The following NBEA variants were observed in gnomAD, a reference collection of about 807,000 sequenced individuals.
NBEA encodes neurobeachin.
A neutral mutation model predicts 343.4 loss-of-function variants in NBEA; 44 were observed. The ratio of observed to expected loss-of-function variants is 0.13; its 90% CI spans 0.10 to 0.16. The LOEUF (loss-of-function observed/expected upper bound fraction) is 0.16, where lower values mean the gene tolerates loss of function less well. NBEA is among the 10% of genes least tolerant of loss of function. The pLI, the probability that NBEA is intolerant of heterozygous loss-of-function variation, is 1.00. For synonymous variants in NBEA, 1,175 were observed against 1,238.7 expected (o/e 0.95, Z 1.08); for missense variants, 2,555 against 3,631.3 (o/e 0.70, Z 7.62).
chr13:35,449,859 A>G (rs2046217326), intron 39 of NBEA, among the ~76,000 whole-genome samples: 1 of 152,190 alleles, frequency 6.6e-6, no homozygotes, highest in Non-Finnish European at 1.5e-5. Flanking sequence ...TGAAGTATTT[A>G]TCAAAATATA....
chr13:35,464,463 C>T (rs371996443), intron 40 of NBEA, among the ~76,000 whole-genome samples: 1 of 152,226 alleles, frequency 6.6e-6, no homozygotes, highest in East Asian at 1.9e-4. Flanking sequence ...TGCCATCATT[C>T]TATCCCAACT....
intron 35 of NBEA, among the ~76,000 whole-genome samples, chr13:35,295,716 A>G (rs1431286497): frequency 6.6e-6 from 1 of 152,190 alleles, no homozygotes; most frequent in Non-Finnish European, 1.5e-5. Context: ...TGTATTTAAT[A>G]TATCTTGGGG....
chr13:34,973,839 A>G (rs567176564), intron 1 of NBEA, among the ~76,000 whole-genome samples: 1 of 152,228 alleles, frequency 6.6e-6, no homozygotes, highest in South Asian at 2.1e-4. Flanking sequence ...TCCCAGGGGT[A>G]TGTACGGAAG....
intron 24 of NBEA, among the ~76,000 whole-genome samples, chr13:35,167,204 G>T (rs1212928982): frequency 6.6e-6 from 1 of 152,016 alleles, no homozygotes; most frequent in Non-Finnish European, 1.5e-5. Flanking sequence ...AGTCAACTCT[G>T]CTGTGATAGT....
At chr13:35,646,076 A>G in intron 50 of NBEA, 145 bp downstream of exon 50, 1 of 715,154 alleles carries the variant, frequency 1.4e-6, no homozygotes, top group East Asian at 2.7e-5. Flanking sequence ...TGGAAGGAGA[A>G]GCAAAGCTTG....
intron 34 of NBEA, among the ~76,000 whole-genome samples, chr13:35,271,843 A>AG (rs2034182880): frequency 6.6e-6 from 1 of 152,238 alleles, no homozygotes; most frequent in Non-Finnish European, 1.5e-5. Context: ...CTTCCAAGAA[A>AG]TATGGGACTA....
intron 34 of NBEA, among the ~76,000 whole-genome samples, chr13:35,241,116 C>A (rs1015317542): frequency 5.3e-5 from 8 of 151,594 alleles, no homozygotes; most frequent in Non-Finnish European, 1.2e-4. Flanking sequence ...AAATTATTTT[C>A]ATGGAATTTA....
At chr13:35,330,495 C>G (rs778119203) in intron 36 of NBEA, among the ~76,000 whole-genome samples, 5 of 151,944 alleles carry the variant, frequency 3.3e-5, no homozygotes, top group Non-Finnish European at 7.4e-5. Flanking sequence ...TGGGTTTCAT[C>G]CAGTGTTAAT....
chr13:35,519,933 C>G (rs2077630737), intron 41 of NBEA, among the ~76,000 whole-genome samples: 1 of 152,168 alleles, frequency 6.6e-6, no homozygotes, highest in African/African-American at 2.4e-5. Context: ...CACCTCCTTC[C>G]CATCCTCTGG....
intron 38 of NBEA, among the ~76,000 whole-genome samples, chr13:35,429,654 C>T (rs2044955767): frequency 1.3e-5 from 2 of 152,078 alleles, no homozygotes; most frequent in South Asian, 2.1e-4. Flanking sequence ...TTCTGGGGAA[C>T]AGGCAGTATT....
At position 35,555,009 on chromosome 13, in the gene NBEA, C is replaced by G. The variant is rs2079516243; in HGVS notation, c.6829C>G (p.Arg2277Gly). The G allele has an allele frequency of 1.9e-6, 3 of 1,610,392 alleles. No homozygotes were observed. Among genetic ancestry groups the G allele is most frequent in the Non-Finnish European group, 2.5e-6 (3 of 1,177,438 alleles). ...QARRISLATP[R>G]QLYKSSNMTQ... ...TAGGAGGATATCATTGGCCACTCCT[C>G]GACAGCTTTATAAATCTTCCAATAT... Residue 2277 changes from arginine (R) to glycine (G), a missense_variant, in exon 44 of 59, where the codon CGA becomes GGA. This residue lies in a region of NBEA where 38 missense variants were observed against 97.2 expected (regional missense o/e 0.39). Transcript: ENST00000379939.
chr13:35,534,166 T>C (rs147989694), intron 41 of NBEA, among the ~76,000 whole-genome samples: 4 of 152,186 alleles, frequency 2.6e-5, no homozygotes, highest in African/African-American at 9.6e-5. Flanking sequence ...ATAATACTCG[T>C]AAATCTGCCA....
chr13:35,538,499 T>C (rs567903967), intron 41 of NBEA, among the ~76,000 whole-genome samples: 4 of 152,280 alleles, frequency 2.6e-5, no homozygotes, highest in South Asian at 2.1e-4. Context: ...AAAGACACAC[T>C]GTTAACACCG....
At chr13:35,631,067 C>T (rs902316964) in intron 49 of NBEA, among the ~76,000 whole-genome samples, 2 of 152,128 alleles carry the variant, frequency 1.3e-5, no homozygotes, top group Non-Finnish European at 2.9e-5. Context: ...TAGTGTCCTC[C>T]AAAGGACGAG....
intron 35 of NBEA, among the ~76,000 whole-genome samples, chr13:35,300,286 T>C (rs1450242922): frequency 3.9e-5 from 6 of 152,140 alleles, no homozygotes; most frequent in Non-Finnish European, 8.8e-5. Flanking sequence ...ATCGAGCCAC[T>C]GCACTCCAGC....
chr13:35,305,490 T>C (rs2036829954), intron 35 of NBEA, among the ~76,000 whole-genome samples: 2 of 152,150 alleles, frequency 1.3e-5, no homozygotes, highest in African/African-American at 4.8e-5. Context: ...TCCAGTGAGA[T>C]TGGGCTTCAT....
At chr13:35,445,790 A>ATATATATATATATATATATATG (rs1566144469) in intron 39 of NBEA, among the ~76,000 whole-genome samples, 34 of 69,890 alleles carry the variant, frequency 4.9e-4, no homozygotes, top group Middle Eastern at 6.0e-3. Flanking sequence ...GTTTATATAT[A>ATATATATATATATATATATATG]TATATATATA....
At chr13:35,003,015 T>C (rs1294016230) in intron 1 of NBEA, among the ~76,000 whole-genome samples, 2 of 152,052 alleles carry the variant, frequency 1.3e-5, no homozygotes, top group Admixed American at 6.6e-5. Context: ...ACAGGGATAA[T>C]AAGAGAGCGT....
rs1191006287 is a variant in NBEA, at chr13:35,125,122, CCCTTTTTCCTGTAA to C, written c.2336+1549_2336+1562del. ...TGCTGTTTGAGATAGCCTATTTTCC[CCCTTTTTCCTGTAA>C]AATGTATAAATGATACAACAAGAAG... is the stretch of plus-strand genomic sequence containing the variant. On this transcript the variant is annotated intron_variant, in intron 17 of 58. Transcript: ENST00000379939. Among the ~76,000 whole-genome samples the C allele has an allele frequency of 2.6e-5, 4 of 152,138 alleles. No individual in the cohort carries two copies. In the East Asian group the frequency reaches 7.7e-4, roughly 29 times the overall value.
Sources: allele counts gnomAD v4.1 joint callset (sites outside exome capture counted in the v4.1 genomes callset), GRCh38; gene constraint gnomAD v4.1.1; regional missense constraint gnomAD v4.1.1; transcripts MANE v1.5; gene names NCBI Gene and HGNC (gene_info 2026-07-23, HGNC 2026-07-21).